HMGB1: variants seen among roughly 807,000 people sequenced by gnomAD.
HMGB1 encodes the protein high mobility group box 1, also known as high mobility group protein B1.
For synonymous variants in HMGB1, 81 were observed against 84.0 expected (o/e 0.96, Z 0.19); for missense variants, 79 against 253.5 (o/e 0.31, Z 4.67).
intron 1 of HMGB1, among the ~76,000 whole-genome samples, chr13:30,586,276 T>G (rs1453199410): frequency 6.6e-6 from 1 of 152,104 alleles, no homozygotes; most frequent in Non-Finnish European, 1.5e-5. Flanking sequence ...TCTCAACTTT[T>G]AAGAAACCCT....
intron 1 of HMGB1, among the ~76,000 whole-genome samples, chr13:30,500,909 G>A (rs1887720512): frequency 6.6e-6 from 1 of 152,022 alleles, no homozygotes; most frequent in Non-Finnish European, 1.5e-5. Context: ...CTGGCCTCAA[G>A]TGATTTTCTT....
chr13:30,475,590 C>T (rs1279976710), intron 1 of HMGB1, among the ~76,000 whole-genome samples: 1 of 151,556 alleles, frequency 6.6e-6, no homozygotes, highest in African/African-American at 2.4e-5. Context: ...CACCTACTCA[C>T]TCAGAAGGCT....
chr13:30,592,349 A>G (rs557967314), intron 1 of HMGB1, among the ~76,000 whole-genome samples: 5 of 152,250 alleles, frequency 3.3e-5, no homozygotes, highest in African/African-American at 1.2e-4. Flanking sequence ...GGTAATTATT[A>G]TATTCTCTTT....
upstream of HMGB1, among the ~76,000 whole-genome samples, chr13:30,470,332 T>A (rs1886890429): frequency 6.6e-6 from 1 of 152,262 alleles, no homozygotes; most frequent in Admixed American, 6.5e-5. Flanking sequence ...TATCTTTAGA[T>A]CTAAAAGCAT....
intron 1 of HMGB1, among the ~76,000 whole-genome samples, chr13:30,603,496 T>C (rs1007403577): frequency 5.9e-5 from 9 of 152,250 alleles, no homozygotes; most frequent in Non-Finnish European, 1.2e-4. Flanking sequence ...TCTGAGGTTA[T>C]GTTAACATGC....
chr13:30,513,414 G>C (rs908447906), intron 1 of HMGB1, among the ~76,000 whole-genome samples: 2 of 152,182 alleles, frequency 1.3e-5, no homozygotes, highest in African/African-American at 4.8e-5. Flanking sequence ...TGTGCTCACT[G>C]TAACACCAAA....
At chr13:30,558,609 A>C (rs945976342) in intron 1 of HMGB1, among the ~76,000 whole-genome samples, 1 of 152,214 alleles carries the variant, frequency 6.6e-6, no homozygotes, top group African/African-American at 2.4e-5. Context: ...TGTTAGTGAA[A>C]CACCAAGTCT....
intron 1 of HMGB1, among the ~76,000 whole-genome samples, chr13:30,529,296 T>G (rs1223254479): frequency 6.6e-6 from 1 of 152,120 alleles, no homozygotes; most frequent in Non-Finnish European, 1.5e-5. Flanking sequence ...AGGCCACTCA[T>G]TCTGAAAGGG....
At chr13:30,550,163 A>G (rs1325283079) in intron 1 of HMGB1, among the ~76,000 whole-genome samples, 1 of 152,198 alleles carries the variant, frequency 6.6e-6, no homozygotes, top group Non-Finnish European at 1.5e-5. Context: ...GAAACTCATT[A>G]CAAAACAAAG....
At chr13:30,471,510 G>A (rs1160414523) in intron 1 of HMGB1, among the ~76,000 whole-genome samples, 1 of 150,742 alleles carries the variant, frequency 6.6e-6, no homozygotes, top group Non-Finnish European at 1.5e-5. Context: ...ACCACACCTG[G>A]CTAATTTTTT....
chr13:30,558,087 GA>G (rs1269822412), intron 1 of HMGB1, among the ~76,000 whole-genome samples: 1 of 151,736 alleles, frequency 6.6e-6, no homozygotes, highest in East Asian at 1.9e-4. Flanking sequence ...GCCTATGCAA[GA>G]GCTATTAAAA....
chr13:30,594,059 T>C (rs998811579), intron 1 of HMGB1, among the ~76,000 whole-genome samples: 7 of 152,242 alleles, frequency 4.6e-5, no homozygotes, highest in African/African-American at 1.7e-4. Flanking sequence ...ATATGATGTA[T>C]GTAAGTTACC....
chr13:30,529,028 CAAAAAAAAAAA>C (rs59654057), intron 1 of HMGB1, among the ~76,000 whole-genome samples: 23 of 53,510 alleles, frequency 4.3e-4, no homozygotes, highest in Middle Eastern at 0.02. Flanking sequence ...GACTGCGTCT[CAAAAAAAAAAA>C]AAAAAAAAAA....
chr13:30,523,093 T>G (rs1888276593), intron 1 of HMGB1, among the ~76,000 whole-genome samples: 1 of 152,196 alleles, frequency 6.6e-6, no homozygotes, highest in Non-Finnish European at 1.5e-5. Context: ...CTACTTTTGG[T>G]ACAACAGTTC....
intron 1 of HMGB1, among the ~76,000 whole-genome samples, chr13:30,550,317 A>T (rs1869366351): frequency 6.6e-6 from 1 of 152,154 alleles, no homozygotes; most frequent in Admixed American, 6.5e-5. Context: ...AAACACTGGG[A>T]ACACAAAGGT....
intron 1 of HMGB1, among the ~76,000 whole-genome samples, chr13:30,609,329 G>T (rs1020502104): frequency 6.6e-6 from 1 of 152,080 alleles, no homozygotes; most frequent in African/African-American, 2.4e-5. Context: ...GAAAATCTGA[G>T]GGAGAAAAAA....
chr13:30,463,842 CGA>C, intron 1 of HMGB1, 148 bp from the exon 2 acceptor site: 2 of 581,922 alleles, frequency 3.4e-6, no homozygotes, highest in East Asian at 6.1e-5. Context: ...AGAATATGGC[CGA>C]GAGATTAAAT....
At chr13:30,568,710 TG>T (rs1227924851) in intron 1 of HMGB1, among the ~76,000 whole-genome samples, 1 of 152,082 alleles carries the variant, frequency 6.6e-6, no homozygotes, top group Non-Finnish European at 1.5e-5. Context: ...TGCCAAGGAC[TG>T]TCTACAACCA....
In HMGB1 at chr13:30,458,382, T is replaced by G. The variant is rs1886089242; in HGVS notation, c.*2975A>C. 1 of 145,554 alleles carries G rather than the reference T, an allele frequency of 6.9e-6. No homozygotes were observed. 9.0% of individuals were successfully genotyped at this position (145,554 alleles called of 1,614,324 possible). On this transcript the variant is annotated 3_prime_UTR_variant, in exon 5 of 5. Transcript: ENST00000341423. ...TCTTGCTCTGTCACCCAGGCTGGAG[T>G]GCAGTGGCACAATCTCGGCTCACTG...
Sources: allele counts gnomAD v4.1 joint callset (sites outside exome capture counted in the v4.1 genomes callset), GRCh38; gene constraint gnomAD v4.1.1; transcripts MANE v1.5; gene names NCBI Gene and HGNC (gene_info 2026-07-23, HGNC 2026-07-21).